Variants in WHRN observed in about 807,000 individuals in gnomAD.
WHRN encodes whirlin.
In WHRN, 41 loss-of-function variants were observed where a neutral mutation model predicts 68.3. The observed-to-expected ratio is 0.60, with a 90% CI of 0.47 to 0.78. The LOEUF is 0.78. WHRN is among the 30% of genes least tolerant of loss of function. WHRN has a pLI of 0.00. For synonymous variants in WHRN, 560 were observed against 561.3 expected (o/e 1.00, Z 0.03); for missense variants, 1,243 against 1,244.7 (o/e 1.00, Z 0.02).
intron 1 of WHRN, among the ~76,000 whole-genome samples, chr9:114,490,324 T>A (rs1376354401): frequency 6.6e-6 from 1 of 152,190 alleles, no homozygotes; most frequent in African/African-American, 2.4e-5. Context: ...TACACAAGGA[T>A]AAAGGCCAGG....
chr9:114,493,647 C>G (rs1371787786), intron 1 of WHRN, among the ~76,000 whole-genome samples: 1 of 152,130 alleles, frequency 6.6e-6, no homozygotes, highest in Admixed American at 6.5e-5. Flanking sequence ...CAGGGAATTT[C>G]CACAGACAAC....
At chr9:114,420,401 C>T (rs536222210) in intron 7 of WHRN, among the ~76,000 whole-genome samples, 1 of 152,192 alleles carries the variant, frequency 6.6e-6, no homozygotes, top group South Asian at 2.1e-4. Context: ...TACTTTGGGG[C>T]GAGGCTGGGA....
intron 3 of WHRN, among the ~76,000 whole-genome samples, chr9:114,464,846 GA>G (rs1840540201): frequency 2.3e-5 from 3 of 129,446 alleles, no homozygotes; most frequent in Non-Finnish European, 4.5e-5. Context: ...TGATGATGAT[GA>G]TGATGATGAT....
intron 3 of WHRN, among the ~76,000 whole-genome samples, chr9:114,438,874 T>C (rs1358202851): frequency 1.3e-5 from 2 of 152,170 alleles, no homozygotes; most frequent in Non-Finnish European, 2.9e-5. Flanking sequence ...ATAACCTAAA[T>C]GTCCATACAG....
At chr9:114,449,159 A>C (rs1489435753) in intron 3 of WHRN, among the ~76,000 whole-genome samples, 1 of 152,138 alleles carries the variant, frequency 6.6e-6, no homozygotes, top group Non-Finnish European at 1.5e-5. Context: ...GATTCAGTAA[A>C]CCATATGTAC....
intron 9 of WHRN, among the ~76,000 whole-genome samples, chr9:114,404,792 T>C (rs1182325508): frequency 3.3e-5 from 5 of 152,118 alleles, no homozygotes; most frequent in Non-Finnish European, 5.9e-5. Flanking sequence ...GGGGTGATTG[T>C]AAAAACTCAC....
chr9:114,433,725 A>T (rs146000412), intron 3 of WHRN, among the ~76,000 whole-genome samples: 3 of 152,194 alleles, frequency 2.0e-5, no homozygotes, highest in African/African-American at 7.2e-5. Context: ...AATTGCTAAG[A>T]CAGTTCCTGG....
intron 3 of WHRN, among the ~76,000 whole-genome samples, chr9:114,458,714 C>A (rs1485350269): frequency 6.6e-6 from 1 of 152,078 alleles, no homozygotes; most frequent in Non-Finnish European, 1.5e-5. Flanking sequence ...GCATCAGCAC[C>A]TAGATCTGTG....
intron 2 of WHRN, among the ~76,000 whole-genome samples, chr9:114,470,057 G>A (rs779373342): frequency 3.9e-5 from 6 of 152,122 alleles, no homozygotes; most frequent in African/African-American, 9.7e-5. Flanking sequence ...AATCCCCCAC[G>A]TCAAGACCAT....
At chr9:114,416,452 G>A (rs1835821862) in intron 7 of WHRN, among the ~76,000 whole-genome samples, 1 of 152,236 alleles carries the variant, frequency 6.6e-6, no homozygotes, top group African/African-American at 2.4e-5. Context: ...CGGATCATGC[G>A]AGCAGATTTC....
chr9:114,502,120 G>A (rs1288233262), intron 1 of WHRN, among the ~76,000 whole-genome samples: 1 of 152,174 alleles, frequency 6.6e-6, no homozygotes, highest in South Asian at 2.1e-4. Context: ...CCATCATTTT[G>A]CCTGTTGCTT....
rs200040563 is a variant in WHRN, at chr9:114,423,315, C to T, written c.1625G>A (p.Arg542Lys). Residue 542 changes from arginine to lysine, a missense_variant and splice_region_variant, in exon 7 of 12, where the codon AGG becomes AAG. Transcript: ENST00000362057. ...AGGGACAAGGCAGAAGAAGCTCACC[C>T]TGGCCGAGCTGACGGTGGTGGAGGT... The part of the protein sequence containing the change: ...HGTSTTVSSA[R>K]NTLDLEETGE... 30 of 1,613,950 alleles carry T rather than the reference C, an allele frequency of 1.9e-5. No individual in the cohort carries two copies. In the African/African-American group the frequency reaches 3.2e-4, roughly 17 times the overall value.
At position 114,444,456 on chromosome 9, in the gene WHRN, C is replaced by T. The variant is rs550764194; in HGVS notation, c.964-18043G>A. On this transcript the variant is annotated intron_variant, in intron 3 of 11. Transcript: ENST00000362057. ...TTTAATCACATATAATTATTTTTTC[C>T]AATTAAACTTAAAAAAAATTACAAA... Among the ~76,000 whole-genome samples, 16 of 151,614 alleles carry T rather than the reference C, an allele frequency of 1.1e-4. No homozygotes were observed. The South Asian group carries it at 3.3e-3, about 32-fold the overall frequency.
At chr9:114,405,936 G>A (rs951114236) in intron 9 of WHRN, among the ~76,000 whole-genome samples, 1 of 152,328 alleles carries the variant, frequency 6.6e-6, no homozygotes, top group Middle Eastern at 3.4e-3. Flanking sequence ...AGACCTGCCA[G>A]GGGTCCAGAG....
chr9:114,466,447 G>C (rs1266641069), intron 2 of WHRN, 55 bp from the exon 3 acceptor site: 18 of 1,610,388 alleles, frequency 1.1e-5, no homozygotes, highest in Admixed American at 1.7e-5. Flanking sequence ...CCCTTCCGGG[G>C]ACAGCAGGCT....
chr9:114,418,972 T>G (rs1362727918), intron 7 of WHRN, among the ~76,000 whole-genome samples: 1 of 152,152 alleles, frequency 6.6e-6, no homozygotes, highest in African/African-American at 2.4e-5. Context: ...AACCTCAAAA[T>G]GTACATAGCA....
At chr9:114,473,190 G>A (rs955397865) in intron 2 of WHRN, among the ~76,000 whole-genome samples, 1 of 152,266 alleles carries the variant, frequency 6.6e-6, no homozygotes, top group African/African-American at 2.4e-5. Context: ...GACTTAGGAA[G>A]TTCTCAATAA....
At chr9:114,411,675 C>A (rs747814017) in intron 7 of WHRN, among the ~76,000 whole-genome samples, 1 of 152,154 alleles carries the variant, frequency 6.6e-6, no homozygotes, top group Non-Finnish European at 1.5e-5. Flanking sequence ...GTGCGCCAGG[C>A]CCCGTGCTGG....
intron 3 of WHRN, among the ~76,000 whole-genome samples, chr9:114,450,701 G>A (rs1406762930): frequency 6.6e-6 from 1 of 152,070 alleles, no homozygotes; most frequent in African/African-American, 2.4e-5. Context: ...TGAGGAAACC[G>A]AGTCTCAGGG....
Sources: gnomAD v4.1 joint callset for allele counts (sites outside exome capture counted in the v4.1 genomes callset) on GRCh38, gnomAD v4.1.1 for gene constraint, MANE v1.5 for transcripts, NCBI Gene and HGNC (gene_info 2026-07-23, HGNC 2026-07-21) for gene names.